Variants in ABCB1 observed in about 807,000 individuals in gnomAD.
ABCB1 encodes ATP-dependent translocase ABCB1.
A neutral mutation model predicts 142.0 loss-of-function variants in ABCB1; 69 were observed. The observed-to-expected ratio is 0.49, with a 90% CI of 0.40 to 0.59. ABCB1 has a LOEUF of 0.59. ABCB1 is among the 20% of genes least tolerant of loss of function. The pLI is 0.00. For synonymous variants in ABCB1, 532 were observed against 539.2 expected (o/e 0.99, Z 0.18); for missense variants, 1,326 against 1,554.7 (o/e 0.85, Z 2.47).
chr7:87,663,758 T>C (rs370463997), intron 1 of ABCB1, among the ~76,000 whole-genome samples: 5 of 152,154 alleles, frequency 3.3e-5, no homozygotes, highest in Admixed American at 6.6e-5. Flanking sequence ...CAGAAATTTA[T>C]TTCTCAGTTC....
intron 1 of ABCB1, among the ~76,000 whole-genome samples, chr7:87,651,859 T>C (rs960892727): frequency 2.6e-5 from 4 of 152,120 alleles, no homozygotes; most frequent in African/African-American, 9.7e-5. Flanking sequence ...AAATATGAAT[T>C]CATTTATCCC....
At chr7:87,704,451 A>G (rs1196509506) in intron 1 of ABCB1, among the ~76,000 whole-genome samples, 1 of 152,250 alleles carries the variant, frequency 6.6e-6, no homozygotes, top group East Asian at 1.9e-4. Context: ...TTATAAAACT[A>G]GCATATCCCA....
chr7:87,702,456 T>A (rs542480785), intron 1 of ABCB1, among the ~76,000 whole-genome samples: 7 of 152,032 alleles, frequency 4.6e-5, no homozygotes, highest in Non-Finnish European at 1.0e-4. Flanking sequence ...TGTTTTAAAT[T>A]TTTTGTAGAG....
chr7:87,547,341 A>G (rs1031355648), intron 14 of ABCB1, among the ~76,000 whole-genome samples: 1 of 152,184 alleles, frequency 6.6e-6, no homozygotes, highest in Non-Finnish European at 1.5e-5. Context: ...TCCCCTCAAA[A>G]TTTACACCCT....
intron 1 of ABCB1, among the ~76,000 whole-genome samples, chr7:87,648,999 T>C (rs1380756471): frequency 6.6e-6 from 1 of 152,162 alleles, no homozygotes; most frequent in Non-Finnish European, 1.5e-5. Flanking sequence ...AGCATAACTA[T>C]CAAGAGTAAA....
chr7:87,612,724 G>C (rs1397744203), intron 1 of ABCB1, among the ~76,000 whole-genome samples: 2 of 152,012 alleles, frequency 1.3e-5, no homozygotes, highest in African/African-American at 2.4e-5. Context: ...TTTTTACTTA[G>C]GATTGCTTTG....
chr7:87,602,024 T>C (rs1373963175), upstream of ABCB1, among the ~76,000 whole-genome samples: 1 of 152,174 alleles, frequency 6.6e-6, no homozygotes, highest in East Asian at 1.9e-4. Flanking sequence ...GACGGAGTCT[T>C]GCTTTGTCGC....
intron 7 of ABCB1, among the ~76,000 whole-genome samples, chr7:87,565,701 C>T (rs752205315): frequency 2.0e-5 from 3 of 150,380 alleles, no homozygotes; most frequent in Non-Finnish European, 4.4e-5. Flanking sequence ...CTCTACTTGC[C>T]GTGTGAATGG....
chr7:87,596,466 G>A (rs917821978), intron 2 of ABCB1, among the ~76,000 whole-genome samples: 1 of 152,024 alleles, frequency 6.6e-6, no homozygotes, highest in African/African-American at 2.4e-5. Context: ...TTGTCAAAAA[G>A]TTCTCCTCAG....
chr7:87,704,236 T>C (rs1219185526), intron 1 of ABCB1, among the ~76,000 whole-genome samples: 1 of 152,088 alleles, frequency 6.6e-6, no homozygotes, highest in African/African-American at 2.4e-5. Context: ...TTTCCTTTTA[T>C]GTTTTCTTTA....
chr7:87,630,560 A>G (rs1199140837), intron 1 of ABCB1, among the ~76,000 whole-genome samples: 1 of 152,192 alleles, frequency 6.6e-6, no homozygotes, highest in Non-Finnish European at 1.5e-5. Context: ...GACATCAAAA[A>G]TTGCTTTAAA....
intron 1 of ABCB1, among the ~76,000 whole-genome samples, chr7:87,647,816 C>G (rs1823163579): frequency 6.6e-6 from 1 of 152,108 alleles, no homozygotes; most frequent in African/African-American, 2.4e-5. Flanking sequence ...TAGGATTTGT[C>G]CCTATGCATC....
At chr7:87,537,183 C>T (rs1390633035) in intron 19 of ABCB1, 1 of 153,900 alleles carries the variant, frequency 6.5e-6, no homozygotes, top group Admixed American at 6.4e-5. Context: ...CTCCCCTACT[C>T]TTGGGCAGTG....
chr7:87,624,350 C>A (rs1820332194), intron 1 of ABCB1, among the ~76,000 whole-genome samples: 1 of 152,108 alleles, frequency 6.6e-6, no homozygotes, highest in Non-Finnish European at 1.5e-5. Flanking sequence ...TTAAAAAGTC[C>A]ACTTCTCTGA....
At chr7:87,607,861 T>C (rs1482168589) in intron 1 of ABCB1, among the ~76,000 whole-genome samples, 1 of 152,176 alleles carries the variant, frequency 6.6e-6, no homozygotes, top group African/African-American at 2.4e-5. Context: ...TGTGTATATG[T>C]TGTTAAAGGT....
intron 25 of ABCB1, among the ~76,000 whole-genome samples, chr7:87,511,102 T>A (rs1214389517): frequency 6.6e-6 from 1 of 152,236 alleles, no homozygotes; most frequent in African/African-American, 2.4e-5. Context: ...TTACACTGAA[T>A]ACACTCTTGG....
chr7:87,609,296 C>T (rs989062216), intron 1 of ABCB1, among the ~76,000 whole-genome samples: 5 of 152,052 alleles, frequency 3.3e-5, no homozygotes, highest in Non-Finnish European at 7.4e-5. Flanking sequence ...ATTGGAGATC[C>T]TCGAATACTA....
intron 1 of ABCB1, among the ~76,000 whole-genome samples, chr7:87,693,177 T>C (rs1007172627): frequency 2.6e-5 from 4 of 151,914 alleles, no homozygotes; most frequent in Non-Finnish European, 5.9e-5. Context: ...ACTAGCAATT[T>C]CTGAAAAATA....
Position 87,622,976 on chromosome 7 carries a change from C to T in ABCB1, c.-330-21898G>A, listed in dbSNP as rs568690899. On this transcript the variant is annotated intron_variant, in intron 1 of 28. Coordinates refer to the ABCB1 transcript ENST00000265724. ...TGAGTATCCCTTGAGCCCAGGAGTT[C>T]AAGGCCGAGGTAAGCCATGATTACC... Among the ~76,000 whole-genome samples the T allele has an allele frequency of 2.6e-5, 4 of 152,236 alleles. No individual in the cohort carries two copies. In the South Asian group the frequency reaches 6.2e-4, roughly 24 times the overall value.
Sources: gnomAD v4.1 joint callset for allele counts (sites outside exome capture counted in the v4.1 genomes callset) on GRCh38, gnomAD v4.1.1 for gene constraint, MANE v1.5 for transcripts, NCBI Gene and HGNC (gene_info 2026-07-23, HGNC 2026-07-21) for gene names.